The following CRNKL1 variants were observed in gnomAD, a reference collection of about 807,000 sequenced individuals.
CRNKL1 encodes the protein crooked neck pre-mRNA splicing factor 1, also known as crooked neck-like protein 1.
A neutral mutation model predicts 103.7 loss-of-function variants in CRNKL1; 35 were observed. That is an observed-to-expected ratio of 0.34 (90% CI 0.26 to 0.45). CRNKL1 has a LOEUF of 0.45. CRNKL1 is among the 20% of genes least tolerant of loss of function. The pLI is 1.00. For synonymous variants in CRNKL1, 267 were observed against 282.6 expected, an observed-to-expected ratio of 0.94 and a Z score of 0.55; for missense variants, 645 against 836.0, an observed-to-expected ratio of 0.77 and a Z score of 2.82.
chr20:20,053,226 TAA>T (rs1469567553), upstream of CRNKL1, among the ~76,000 whole-genome samples: 4 of 151,002 alleles, frequency 2.6e-5, no homozygotes, highest in African/African-American at 9.8e-5. Flanking sequence ...AAGCAAAGGT[TAA>T]GAGAATTTTT....
chr20:20,042,139 C>A (rs1237319204), intron 8 of CRNKL1, among the ~76,000 whole-genome samples, 186 bp downstream of exon 8: 1 of 152,106 alleles, frequency 6.6e-6, no homozygotes, highest in Non-Finnish European at 1.5e-5. Context: ...CACGTGTGGC[C>A]ACAACAAGCA....
intron 5 of CRNKL1, 84 bp from the exon 6 acceptor site, chr20:20,045,570 G>A: frequency 7.9e-7 from 1 of 1,263,290 alleles, no homozygotes; most frequent in East Asian, 2.4e-5. Flanking sequence ...CCATACCAAA[G>A]CCTGGAAACT....
At position 20,038,362 on chromosome 20, in the gene CRNKL1, G is replaced by A. The variant is rs1318168101; in HGVS notation, c.1634C>T (p.Thr545Met). The A allele has an allele frequency of 7.1e-6, 11 of 1,549,208 alleles. No individual in the cohort carries two copies. Among genetic ancestry groups the A allele is most frequent in the Admixed American group, 2.0e-5 (1 of 51,060 alleles). The part of the protein sequence containing the change: ...RNLYRRLLQR[T>M]QHVKVWISFA... ...AAGCAAGGATACCTTGACATGCTGC[G>A]TCCGTTGAAGCAACCGCCGGTAAAG... is the stretch of plus-strand genomic sequence containing the variant. Residue 545 changes from threonine (T) to methionine (M), a missense_variant, in exon 12 of 14, where the codon ACG (threonine) becomes ATG (methionine). By Grantham distance (81) the Thr-to-Met change is moderately conservative (BLOSUM62 -1). Transcript: ENST00000536226.
At chr20:20,055,657 T>G (rs535445714), upstream of CRNKL1, among the ~76,000 whole-genome samples, 1 of 152,366 alleles carries the variant, frequency 6.6e-6, no homozygotes, top group East Asian at 1.9e-4. Flanking sequence ...TATTCAGAAT[T>G]TTTATATACT....
intron 3 of CRNKL1, 142 bp downstream of exon 3, chr20:20,049,198 C>T: frequency 1.7e-6 from 1 of 573,930 alleles, no homozygotes; most frequent in South Asian, 2.3e-5. Flanking sequence ...CAAGGGAACC[C>T]TAGGGTTCCA....
upstream of CRNKL1, chr20:20,052,886 C>T (rs1242872826): frequency 7.6e-6 from 5 of 659,932 alleles, no homozygotes; most frequent in East Asian, 1.1e-4. Context: ...GTCCACGCCC[C>T]CTCGTTTCTG....
intron 1 of CRNKL1, 66 bp downstream of exon 1, chr20:20,052,226 A>AT: frequency 7.2e-7 from 1 of 1,379,572 alleles, no homozygotes; most frequent in Non-Finnish European, 9.9e-7. Context: ...CAACCCGGGC[A>AT]CCCTCAGGGC....
At chr20:20,054,181 C>T (rs1169303979), upstream of CRNKL1, among the ~76,000 whole-genome samples, 2 of 151,856 alleles carry the variant, frequency 1.3e-5, no homozygotes, top group Non-Finnish European at 2.9e-5. Flanking sequence ...TCTCCTAGTT[C>T]TTTCTACAAG....
intron 13 of CRNKL1, among the ~76,000 whole-genome samples, chr20:20,036,904 TGA>T (rs1019438695): frequency 4.6e-5 from 7 of 152,194 alleles, no homozygotes; most frequent in Non-Finnish European, 8.8e-5. Flanking sequence ...TCTGCCAGGA[TGA>T]GAGGCTAGCA....
At chr20:20,056,005 T>C (rs1034636532), upstream of CRNKL1, 3 of 1,608,708 alleles carry the variant, frequency 1.9e-6, no homozygotes, top group East Asian at 2.3e-5. Flanking sequence ...TTCTCCACTG[T>C]TGCCGTCATT....
Position 20,039,821 on chromosome 20 carries a change from T to A in CRNKL1, c.1333A>T (p.Asn445Tyr), listed in dbSNP as rs771277140. 6.2e-7 allele frequency: 1 copy of A among 1,613,852 alleles called. No individual in the cohort carries two copies. The highest frequency in any genetic ancestry group is 1.3e-5 in the African/African-American group (1 of 74,922). Reference sequence around the variant, plus strand: ...TCTATGTAAACTTTAAATAATTTGTTCTTTGGACATTTGCCTATGGAAGTT... The same window carrying A: ...TCTATGTAAACTTTAAATAATTTGTACTTTGGACATTTGCCTATGGAAGTT... Reference protein sequence around the residue: ...LGTSIGKCPKNKLFKVYIELE... With the variant: ...LGTSIGKCPKYKLFKVYIELE... The change falls in exon 11 of 14, where the codon AAC (asparagine) becomes TAC (tyrosine). Residue 445 changes from asparagine to tyrosine, a missense_variant. Physicochemically the swap from Asn to Tyr is moderately radical, Grantham distance 143. Coordinates refer to ENST00000536226, the MANE Select transcript of CRNKL1 (RefSeq NM_001278628.2).
At position 20,037,401 on chromosome 20, in the gene CRNKL1, T is replaced by A; in HGVS notation, c.1818A>T (p.Thr606=). 1 of 1,614,198 alleles carries A rather than the reference T, an allele frequency of 6.2e-7. No homozygotes were observed. The highest frequency in any genetic ancestry group is 8.5e-7 in the Non-Finnish European group (1 of 1,180,036). Residue 606 remains threonine (T), a synonymous_variant, in exon 13 of 14, where the codon ACA becomes ACT. Coordinates refer to ENST00000536226, the MANE Select transcript of CRNKL1 (RefSeq NM_001278628.2). ...SWRSFEEEFG[T]ASDKERVDKL... Reference sequence around the variant, plus strand: ...TGTCTACTCTCTCCTTATCTGAAGCTGTTCCAAATTCTTCTTCAAAACTTC... The same window carrying A: ...TGTCTACTCTCTCCTTATCTGAAGCAGTTCCAAATTCTTCTTCAAAACTTC...
chr20:20,037,427 G>T lies in CRNKL1; in HGVS notation c.1792C>A (p.Arg598=). 1 of 1,614,018 alleles carries T rather than the reference G, an allele frequency of 6.2e-7. No individual in the cohort carries two copies. The highest frequency in any genetic ancestry group is 8.5e-7 in the Non-Finnish European group (1 of 1,180,018). ...EERLMLLESW[R]SFEEEFGTAS... Reference sequence around the variant, plus strand: ...GTTCCAAATTCTTCTTCAAAACTTCGCCAAGATTCCAGCAGCATAAGTCTC... The same window carrying T: ...GTTCCAAATTCTTCTTCAAAACTTCTCCAAGATTCCAGCAGCATAAGTCTC... Residue 598 remains arginine (R), a synonymous_variant, in exon 13 of 14, where the codon CGA becomes AGA. Transcript: ENST00000536226.
chr20:20,051,388 T>C (rs1222765379), intron 1 of CRNKL1, among the ~76,000 whole-genome samples: 1 of 152,274 alleles, frequency 6.6e-6, no homozygotes, highest in Non-Finnish European at 1.5e-5. Flanking sequence ...TTAATGTAGA[T>C]ATGAGAAAAT....
In CRNKL1 at chr20:20,036,199, G is replaced by A. The variant is rs771698081; in HGVS notation, c.2060C>T (p.Ser687Phe). The part of the protein sequence containing the change: ...HPDEDVDESE[S>F] The stretch of plus-strand genomic sequence containing the variant: ...CATTTGTCTATGAAAAAAAGATCAG[G>A]ATTCACTCTCATCGACGTCCTCATC... Residue 687 changes from serine to phenylalanine, a missense_variant, in exon 14 of 14, where the codon TCC (serine) becomes TTC (phenylalanine). Coordinates refer to ENST00000536226, the MANE Select transcript of CRNKL1 (RefSeq NM_001278628.2). The A allele has an allele frequency of 6.2e-7, 1 of 1,613,656 alleles. No individual in the cohort carries two copies.
rs1314464860 is a variant in CRNKL1 at position 20,035,058 on chromosome 20, C to T, written c.*1137G>A. The T allele has an allele frequency of 6.6e-6, 1 of 152,170 alleles. No homozygotes were observed. The highest frequency in any genetic ancestry group is 2.4e-5 in the African/African-American group (1 of 41,446). 9.4% of individuals were successfully genotyped at this position (152,170 alleles called of 1,614,324 possible). Reference sequence around the variant, plus strand: ...TTGCTTGAGAATGTGAGCAACGTATCAGCAAATACATTCATTCTTGTGCTA... The same window carrying T: ...TTGCTTGAGAATGTGAGCAACGTATTAGCAAATACATTCATTCTTGTGCTA... On this transcript the variant is annotated 3_prime_UTR_variant, in exon 14 of 14. Coordinates refer to ENST00000536226, the MANE Select transcript of CRNKL1 (RefSeq NM_001278628.2).
At chr20:20,050,336 A>T in intron 2 of CRNKL1, 134 bp downstream of exon 2, 3 of 641,424 alleles carry the variant, frequency 4.7e-6, no homozygotes, top group Non-Finnish European at 7.6e-6. Context: ...TCTGGTAACC[A>T]GAAGTACATT....
At chr20:20,042,680 C>A (rs2043534658) in intron 7 of CRNKL1, among the ~76,000 whole-genome samples, 164 bp from the exon 8 acceptor site, 7 of 152,140 alleles carry the variant, frequency 4.6e-5, no homozygotes, top group Admixed American at 4.6e-4. Flanking sequence ...CCTGAGACTG[C>A]ATAAATAGAA....
Position 20,042,343 on chromosome 20 carries a change from A to T in CRNKL1, c.1146T>A (p.Tyr382Ter). The change falls in exon 8 of 14, where the codon TAT (tyrosine) becomes TAA (stop). Residue 382 changes from tyrosine (Y) to a stop codon, truncating the protein, a stop_gained. Transcript: ENST00000536226. LOFTEE classifies it high-confidence loss of function. ...TTTTCACCTTTGCCTCCAATTCTTC[A>T]TAGAGTGCATAGTTGATCCAAAGAT... is the stretch of plus-strand genomic sequence containing the variant. ...YIYLWINYAL[Y>*]EELEAKDPER... 1 of 1,595,826 alleles carries T rather than the reference A, an allele frequency of 6.3e-7. No homozygotes were observed. The highest frequency in any genetic ancestry group is 8.5e-7 in the Non-Finnish European group (1 of 1,172,900).
Sources: allele counts gnomAD v4.1 joint callset (sites outside exome capture counted in the v4.1 genomes callset), GRCh38; gene constraint gnomAD v4.1.1; transcripts MANE v1.5; gene names NCBI Gene and HGNC (gene_info 2026-07-23, HGNC 2026-07-21).